The following GOLM2 variants were observed in gnomAD, a reference collection of about 807,000 sequenced individuals.
The protein encoded by GOLM2 is golgi membrane protein 2, also known as protein GOLM2.
Under a neutral mutation model 55.9 loss-of-function variants are expected in GOLM2, and 26 were observed. That is an observed-to-expected ratio of 0.47 (90% CI 0.34 to 0.65). The LOEUF (loss-of-function observed/expected upper bound fraction) is 0.65. Among genes scored for constraint, GOLM2 ranks in the 30% least tolerant of loss-of-function variants. GOLM2 has a pLI of 0.01. For synonymous variants in GOLM2, 165 were observed against 194.6 expected (o/e 0.85, Z 1.27); for missense variants, 486 against 531.8 (o/e 0.91, Z 0.85).
rs146741427 is a variant in GOLM2 at position 44,367,265 on chromosome 15, G to C, written c.803-12425G>C. On this transcript the variant is annotated intron_variant, in intron 6 of 9. Coordinates refer to ENST00000299957, the MANE Select transcript of GOLM2 (RefSeq NM_138423.4). ...TTTAAGAAAAAGTTTTTAGATCCCT[G>C]TTTTAAAGGACACAAATTTGAATCC... is the stretch of plus-strand genomic sequence containing the variant. Among the ~76,000 whole-genome samples, 194 of 135,042 alleles carry C rather than the reference G, an allele frequency of 1.4e-3. 1 individual carries two copies. Among genetic ancestry groups the C allele is most frequent in the African/African-American group, 5.2e-3 (186 of 35,894 alleles). The allele number at this position is 135,042 out of a possible 152,430, so 88.6% of individuals were successfully genotyped here. A position where few individuals can be genotyped will look rare whatever the true frequency, so the allele number is the denominator to read the frequency against.
rs781759641 is a variant in GOLM2 at position 44,289,078 on chromosome 15, G to A, written c.49G>A (p.Val17Met). The A allele has an allele frequency of 8.1e-6, 13 of 1,613,940 alleles. No homozygotes were observed. The Admixed American group carries it at 1.7e-4, about 21-fold the overall frequency. ...NRRAGRLPSL[V>M]LVVLLVVIVV... ...GCGGGCTGGCCGCCTGCCCTCTCTC[G>A]TGCTGGTGGTGCTGCTGGTGGTGAT... Residue 17 changes from valine (V) to methionine (M), a missense_variant, in exon 1 of 10, where the codon GTG (valine) becomes ATG (methionine). By Grantham distance (21) the Val-to-Met change is conservative. Coordinates refer to ENST00000299957, the MANE Select transcript of GOLM2 (RefSeq NM_138423.4). The surrounding 1 kb of genome is among the most constrained non-coding windows in gnomAD (Gnocchi z 4.8).
chr15:44,328,995 T>C (rs1471064945), intron 3 of GOLM2, among the ~76,000 whole-genome samples: 1 of 152,212 alleles, frequency 6.6e-6, no homozygotes, highest in Non-Finnish European at 1.5e-5. Context: ...GCATGAAGTA[T>C]CTCTTAGAGG....
chr15:44,394,736 A>G (rs1279679612), intron 8 of GOLM2, among the ~76,000 whole-genome samples: 1 of 152,198 alleles, frequency 6.6e-6, no homozygotes, highest in Non-Finnish European at 1.5e-5. Context: ...TCATATCTCA[A>G]CAGATTATAA....
intron 2 of GOLM2, among the ~76,000 whole-genome samples, chr15:44,324,875 A>T (rs886849967): frequency 4.6e-5 from 7 of 152,152 alleles, no homozygotes; most frequent in Non-Finnish European, 8.8e-5. Flanking sequence ...GCTTTCAAAG[A>T]TAGAGCGTCC....
At chr15:44,301,939 A>T (rs2078800885) in intron 1 of GOLM2, among the ~76,000 whole-genome samples, 1 of 151,604 alleles carries the variant, frequency 6.6e-6, no homozygotes, top group Admixed American at 6.6e-5. Context: ...TTAGGAGCCA[A>T]GGTCATGGCA....
chr15:44,302,806 T>C (rs1196480214), intron 1 of GOLM2, among the ~76,000 whole-genome samples: 1 of 152,146 alleles, frequency 6.6e-6, no homozygotes, highest in Non-Finnish European at 1.5e-5. Context: ...ATTTCTTGAC[T>C]ATAAAAATAT....
chr15:44,387,747 T>C (rs1451713947), intron 8 of GOLM2, among the ~76,000 whole-genome samples: 1 of 150,260 alleles, frequency 6.7e-6, no homozygotes, highest in Non-Finnish European at 1.5e-5. Flanking sequence ...GGTGACAGAA[T>C]GAGACACTCT....
At chr15:44,294,736 A>C (rs1595610542) in intron 1 of GOLM2, among the ~76,000 whole-genome samples, 2 of 144,414 alleles carry the variant, frequency 1.4e-5, no homozygotes, top group African/African-American at 2.6e-5. Context: ...AAACACCACC[A>C]CCACAAAAAA....
At chr15:44,353,269 C>G (rs977675793) in intron 6 of GOLM2, among the ~76,000 whole-genome samples, 1 of 152,108 alleles carries the variant, frequency 6.6e-6, no homozygotes, top group Non-Finnish European at 1.5e-5. Context: ...GAAAAGCGAA[C>G]CCTCATACAC....
At chr15:44,329,899 C>CT (rs777520089) in intron 3 of GOLM2, among the ~76,000 whole-genome samples, 2,457 of 126,914 alleles carry the variant, frequency 0.019, 39 homozygotes, top group Middle Eastern at 0.035. Context: ...GAGAACTTGT[C>CT]TTTTTTTTTT....
At chr15:44,360,231 T>C (rs919229576) in intron 6 of GOLM2, among the ~76,000 whole-genome samples, 5 of 152,076 alleles carry the variant, frequency 3.3e-5, no homozygotes, top group African/African-American at 9.7e-5. Flanking sequence ...ATGGACTAAA[T>C]GCTCCAATTA....
chr15:44,319,020 A>G (rs988914220), intron 1 of GOLM2, among the ~76,000 whole-genome samples: 1 of 152,144 alleles, frequency 6.6e-6, no homozygotes, highest in African/African-American at 2.4e-5. Flanking sequence ...ATCAGTCATC[A>G]TCATCATCTC....
intron 1 of GOLM2, among the ~76,000 whole-genome samples, chr15:44,319,210 C>T (rs1012738124): frequency 6.6e-6 from 1 of 152,068 alleles, no homozygotes; most frequent in African/African-American, 2.4e-5. Context: ...GTGTTATCCT[C>T]AGTTTCCATT....
In GOLM2 at chr15:44,414,707, G is replaced by T. The variant is rs1290509074; in HGVS notation, c.*1301G>T. 2.0e-5 allele frequency: 3 copies of T among 152,412 alleles called. No individual in the cohort carries two copies. The highest frequency in any genetic ancestry group is 1.3e-4 in the Admixed American group (2 of 15,260). 9.4% of individuals were successfully genotyped at this position (152,412 alleles called of 1,614,324 possible). On this transcript the variant is annotated 3_prime_UTR_variant, in exon 10 of 10. Coordinates refer to ENST00000299957, the MANE Select transcript of GOLM2 (RefSeq NM_138423.4). The stretch of plus-strand genomic sequence containing the variant: ...TTTATTAATGCACAGATAAATAGAA[G>T]TACAGTGAGGTCTATAGCCATTTTA...
At chr15:44,378,576 C>T (rs927019602) in intron 6 of GOLM2, among the ~76,000 whole-genome samples, 1 of 147,544 alleles carries the variant, frequency 6.8e-6, no homozygotes, top group Non-Finnish European at 1.5e-5. Context: ...CCAAGCTGGG[C>T]GACAGAGCAA....
intron 6 of GOLM2, among the ~76,000 whole-genome samples, chr15:44,368,486 C>G (rs114367433): frequency 0.011 from 1,691 of 151,880 alleles, 37 homozygotes; most frequent in African/African-American, 0.039. Context: ...AATACCTTTT[C>G]TCCTTCAGTT....
intron 1 of GOLM2, among the ~76,000 whole-genome samples, chr15:44,295,898 A>T (rs1407982089): frequency 6.6e-6 from 1 of 151,394 alleles, no homozygotes; most frequent in Non-Finnish European, 1.5e-5. Flanking sequence ...ATCTTAGAAC[A>T]AGGGAGATCC....
chr15:44,344,287 G>GTATATATATATATATATA (rs143483392), intron 6 of GOLM2, among the ~76,000 whole-genome samples: 6 of 138,312 alleles, frequency 4.3e-5, no homozygotes, highest in South Asian at 2.3e-4. Flanking sequence ...ATATGTGTGT[G>GTATATATATATATATATA]TATATATATA....
intron 6 of GOLM2, among the ~76,000 whole-genome samples, chr15:44,360,380 A>C (rs960583854): frequency 5.4e-4 from 82 of 152,290 alleles, no homozygotes; most frequent in Middle Eastern, 3.4e-3. Context: ...AATGGAAAAC[A>C]AAAAAAGGCA....
Sources: gnomAD v4.1 joint callset for allele counts (sites outside exome capture counted in the v4.1 genomes callset) on GRCh38, gnomAD v4.1.1 for gene constraint, Gnocchi (gnomAD v3.1) non-coding constraint, MANE v1.5 for transcripts, NCBI Gene and HGNC (gene_info 2026-07-23, HGNC 2026-07-21) for gene names.